Variants in LY96 observed in about 807,000 individuals in gnomAD.
The protein encoded by LY96 is myeloid differentiation protein-2.
A neutral mutation model predicts 18.9 loss-of-function variants in LY96; 18 were observed. That is an observed-to-expected ratio of 0.95 (90% CI 0.66 to 1.41). The LOEUF is 1.41. LY96 is among the 40% of genes most tolerant of loss of function. LY96 has a pLI of 0.00. For synonymous variants in LY96, 66 were observed against 62.6 expected, an observed-to-expected ratio of 1.06 and a Z score of -0.26; for missense variants, 175 against 182.4, an observed-to-expected ratio of 0.96 and a Z score of 0.23.
the LY96 span, among the ~76,000 whole-genome samples, chr8:74,065,481 G>T: frequency 9.9e-5 from 15 of 152,190 alleles, no homozygotes; most frequent in Admixed American, 2.0e-4. Context: ...ATGAGGAAAA[G>T]AAATAAAAGA....
chr8:74,030,779 C>G (rs1381179201), downstream of LY96, among the ~76,000 whole-genome samples: 1 of 152,220 alleles, frequency 6.6e-6, no homozygotes, highest in Admixed American at 6.5e-5. Context: ...CAGACTCCAA[C>G]TCTGTCCTTA....
chr8:74,091,699 G>C, the LY96 span, among the ~76,000 whole-genome samples: 1 of 152,132 alleles, frequency 6.6e-6, no homozygotes, highest in African/African-American at 2.4e-5. Context: ...TCTGGGACTT[G>C]ATGCCTGAAA....
the LY96 span, among the ~76,000 whole-genome samples, chr8:74,042,531 T>C: frequency 6.6e-6 from 1 of 151,968 alleles, no homozygotes; most frequent in Non-Finnish European, 1.5e-5. Context: ...AAAAAAAAAT[T>C]TGGGATTGGA....
the LY96 span, among the ~76,000 whole-genome samples, chr8:74,046,524 A>G: frequency 6.6e-6 from 1 of 152,204 alleles, no homozygotes; most frequent in East Asian, 1.9e-4. Flanking sequence ...GCATACCAAA[A>G]GGTACTCTTC....
At chr8:74,079,129 A>G in the LY96 span, among the ~76,000 whole-genome samples, 5 of 152,250 alleles carry the variant, frequency 3.3e-5, no homozygotes, top group Non-Finnish European at 5.9e-5. Context: ...TTGAAGGCCC[A>G]GCTAGAACAG....
intron 3 of LY96, among the ~76,000 whole-genome samples, chr8:74,018,591 A>G (rs1418466732): frequency 6.6e-6 from 1 of 152,084 alleles, no homozygotes; most frequent in African/African-American, 2.4e-5. Context: ...CATCTACAGA[A>G]CTCTCCACCC....
the LY96 span, among the ~76,000 whole-genome samples, chr8:74,092,789 T>C: frequency 6.6e-6 from 1 of 152,158 alleles, no homozygotes; most frequent in Non-Finnish European, 1.5e-5. Flanking sequence ...TCACATCTGG[T>C]ATCTGAAGGT....
chr8:74,086,406 T>C, the LY96 span, among the ~76,000 whole-genome samples: 2 of 152,218 alleles, frequency 1.3e-5, no homozygotes, highest in African/African-American at 4.8e-5. Flanking sequence ...AGGCATTCTT[T>C]GCTCATTGAA....
the LY96 span, among the ~76,000 whole-genome samples, chr8:74,064,516 C>T: frequency 6.6e-6 from 1 of 152,166 alleles, no homozygotes; most frequent in African/African-American, 2.4e-5. Context: ...CTTTAAGATT[C>T]AGAGAGCTGG....
intron 4 of LY96, 120 bp from the exon 5 acceptor site, chr8:74,028,836 A>G: frequency 1.7e-6 from 1 of 588,824 alleles, no homozygotes; most frequent in East Asian, 2.9e-5. Flanking sequence ...CTCATTGGAA[A>G]ACTATAAAAT....
the LY96 span, among the ~76,000 whole-genome samples, chr8:74,078,045 C>A: frequency 1.3e-5 from 2 of 151,334 alleles, no homozygotes; most frequent in Non-Finnish European, 2.9e-5. Flanking sequence ...GAATTTGAGG[C>A]TGCGATGAGC....
the LY96 span, among the ~76,000 whole-genome samples, chr8:74,094,095 C>A: frequency 6.6e-6 from 1 of 152,054 alleles, no homozygotes; most frequent in African/African-American, 2.4e-5. Context: ...TATCGCCGGT[C>A]CTTTCTTATT....
intron 1 of LY96, among the ~76,000 whole-genome samples, chr8:73,998,966 C>T (rs1487727830): frequency 7.1e-6 from 1 of 140,308 alleles, no homozygotes; most frequent in Non-Finnish European, 1.5e-5. Context: ...TTCCAGATAG[C>T]TTGTTATAAT....
the LY96 span, among the ~76,000 whole-genome samples, chr8:74,093,187 C>G: frequency 2.0e-5 from 3 of 152,160 alleles, no homozygotes; most frequent in Non-Finnish European, 4.4e-5. Flanking sequence ...AAGCCGAGCT[C>G]AAATACAACC....
chr8:74,000,386 T>C (rs1350085972), intron 1 of LY96, among the ~76,000 whole-genome samples: 1 of 152,130 alleles, frequency 6.6e-6, no homozygotes, highest in Non-Finnish European at 1.5e-5. Flanking sequence ...TACTGCAGTT[T>C]CCAATACCTT....
intron 3 of LY96, among the ~76,000 whole-genome samples, chr8:74,020,269 C>T (rs1816731845): frequency 6.6e-6 from 1 of 152,118 alleles, no homozygotes; most frequent in East Asian, 1.9e-4. Flanking sequence ...TTCCTATACA[C>T]CAATAACAGA....
chr8:74,081,070 T>TC, the LY96 span, among the ~76,000 whole-genome samples: 569 of 126,946 alleles, frequency 4.5e-3, 9 homozygotes, highest in African/African-American at 0.015. Flanking sequence ...CTTTCTTACT[T>TC]TCTTTCTTCT....
chr8:74,086,701 C>A, the LY96 span, among the ~76,000 whole-genome samples: 1 of 152,184 alleles, frequency 6.6e-6, no homozygotes. Flanking sequence ...TATGTTGAAA[C>A]CTAATCACCA....
At chr8:74,037,134 T>G in the LY96 span, among the ~76,000 whole-genome samples, 2 of 152,134 alleles carry the variant, frequency 1.3e-5, no homozygotes, top group Non-Finnish European at 2.9e-5. Flanking sequence ...ATGTGAAGTA[T>G]TCCCAGGGTA....
Sources: allele counts gnomAD v4.1 joint callset (sites outside exome capture counted in the v4.1 genomes callset), GRCh38; gene constraint gnomAD v4.1.1; transcripts MANE v1.5; gene names NCBI Gene and HGNC (gene_info 2026-07-23, HGNC 2026-07-21).